SOCS6: variants seen among roughly 807,000 people sequenced by gnomAD.
SOCS6 encodes the protein STAT induced STAT inhibitor-4.
A neutral mutation model predicts 27.7 loss-of-function variants in SOCS6; 5 were observed. That is an observed-to-expected ratio of 0.18 (90% CI 0.09 to 0.38). SOCS6 has a LOEUF of 0.38. Ranked by LOEUF, SOCS6 falls within the 10% of genes least tolerant of loss-of-function variation. SOCS6 has a pLI of 1.00. For synonymous variants in SOCS6, 271 were observed against 260.0 expected, an observed-to-expected ratio of 1.04 and a Z score of -0.41; for missense variants, 595 against 688.1, an observed-to-expected ratio of 0.86 and a Z score of 1.51.
chr18:70,298,614 T>TG (rs2062334722), intron 1 of SOCS6, among the ~76,000 whole-genome samples: 2 of 152,322 alleles, frequency 1.3e-5, no homozygotes, highest in South Asian at 4.1e-4. Flanking sequence ...AGTAGTAAGT[T>TG]GGGGTGCTGT....
chr18:70,311,180 T>TC (rs1191186559), intron 1 of SOCS6, among the ~76,000 whole-genome samples: 1 of 152,142 alleles, frequency 6.6e-6, no homozygotes, highest in African/African-American at 2.4e-5. Context: ...CTGCAGATGT[T>TC]CCCCAATGTA....
At chr18:70,321,311 A>AG (rs1910977493) in intron 1 of SOCS6, among the ~76,000 whole-genome samples, 1 of 72,630 alleles carries the variant, frequency 1.4e-5, no homozygotes, top group Non-Finnish European at 2.7e-5. Flanking sequence ...AAATTTTCTC[A>AG]GTTTTTTTTT....
chr18:70,297,119 C>T lies in SOCS6; in HGVS notation c.-127+8029C>T, dbSNP rs553618401. ...GTTTTCTAACTGTTCTCCTCACCCC[C>T]TCTTTTTTAAACAAATAGCATCCGC... On this transcript the variant is annotated intron_variant, in intron 1 of 1. Coordinates refer to ENST00000397942, the MANE Select transcript of SOCS6 (RefSeq NM_004232.4). 6.6e-5 allele frequency among the ~76,000 whole-genome samples: 10 copies of T among 152,104 alleles called. No homozygotes were observed. The South Asian group carries it at 2.1e-3, about 32-fold the overall frequency.
At chr18:70,316,569 A>G (rs1311757889) in intron 1 of SOCS6, among the ~76,000 whole-genome samples, 2 of 152,076 alleles carry the variant, frequency 1.3e-5, no homozygotes, top group Non-Finnish European at 2.9e-5. Context: ...ATTATGAATT[A>G]TACTTTTCAT....
At position 70,321,312 on chromosome 18, in the gene SOCS6, G is replaced by GTTTTTTTT. The variant is rs763120236; in HGVS notation, c.-126-3212_-126-3205dup. On this transcript the variant is annotated intron_variant, in intron 1 of 1. Coordinates refer to ENST00000397942, the MANE Select transcript of SOCS6 (RefSeq NM_004232.4). Reference sequence around the variant, plus strand: ...AATAAATAAATAACAAATTTTCTCAGTTTTTTTTTTTTTTTTTTTTTTTTT... The same window carrying GTTTTTTTT: ...AATAAATAAATAACAAATTTTCTCAGTTTTTTTTTTTTTTTTTTTTTTTTTTTTTTTTT... Among the ~76,000 whole-genome samples the GTTTTTTTT allele has an allele frequency of 1.2e-4, 8 of 68,676 alleles. 1 individual carries two copies. Among genetic ancestry groups the GTTTTTTTT allele is most frequent in the South Asian group, 1.5e-3 (2 of 1,360 alleles). The allele number at this position is 68,676 out of a possible 152,430, so 45.1% of individuals were successfully genotyped here.
intron 1 of SOCS6, among the ~76,000 whole-genome samples, chr18:70,301,555 T>G (rs1353943707): frequency 6.6e-6 from 1 of 152,040 alleles, no homozygotes; most frequent in African/African-American, 2.4e-5. Context: ...CAACCCGAGT[T>G]TAGTTTTGAA....
chr18:70,289,593 C>CTCGGGA (rs1359244043), intron 1 of SOCS6, among the ~76,000 whole-genome samples: 1 of 129,468 alleles, frequency 7.7e-6, no homozygotes, highest in Non-Finnish European at 1.8e-5. Flanking sequence ...CCTCCGCGGG[C>CTCGGGA]TCGGGCTCGG....
intron 1 of SOCS6, among the ~76,000 whole-genome samples, chr18:70,298,765 G>T (rs1278150685): frequency 6.6e-6 from 1 of 152,168 alleles, no homozygotes; most frequent in Admixed American, 6.5e-5. Context: ...CAGTGGTAAA[G>T]ATAAAAGGCT....
intron 1 of SOCS6, among the ~76,000 whole-genome samples, chr18:70,301,479 C>T (rs1017070387): frequency 5.2e-5 from 7 of 134,532 alleles, no homozygotes; most frequent in Admixed American, 4.1e-4. Context: ...GTAGAGTAGC[C>T]GGAAATGGAA....
chr18:70,313,007 C>G (rs1005419900), intron 1 of SOCS6, among the ~76,000 whole-genome samples: 5 of 152,084 alleles, frequency 3.3e-5, no homozygotes, highest in Admixed American at 3.3e-4. Flanking sequence ...GTCTCGAACT[C>G]TTGACCTCGT....
intron 1 of SOCS6, among the ~76,000 whole-genome samples, chr18:70,302,679 G>C (rs1051609540): frequency 5.9e-5 from 9 of 151,916 alleles, no homozygotes; most frequent in Non-Finnish European, 1.0e-4. Context: ...AAGGGAAGAG[G>C]GTCTTGAAAA....
intron 1 of SOCS6, among the ~76,000 whole-genome samples, chr18:70,300,752 T>C (rs2062344876): frequency 1.3e-5 from 2 of 152,322 alleles, no homozygotes; most frequent in African/African-American, 4.8e-5. Flanking sequence ...CAATAGCCTA[T>C]AAAGTAGGAG....
chr18:70,291,536 A>C (rs1369824332), intron 1 of SOCS6, among the ~76,000 whole-genome samples: 2 of 152,056 alleles, frequency 1.3e-5, no homozygotes, highest in East Asian at 3.8e-4. Context: ...TAGAGGTGTG[A>C]TCTTATTTAA....
chr18:70,326,116 AC>A lies in SOCS6; in HGVS notation c.1452del (p.Val485SerfsTer3). On this transcript the variant is annotated frameshift_variant, in exon 2 of 2. Coordinates refer to ENST00000397942, the MANE Select transcript of SOCS6 (RefSeq NM_004232.4). LOFTEE classifies it high-confidence loss of function. ...TCTCGGCTGCCTGGATCTGCAACTTACCCCGTCAGACTGACCAACCCAGTGT... is the reference window on the plus strand; with the variant it reads ...TCTCGGCTGCCTGGATCTGCAACTTACCCGTCAGACTGACCAACCCAGTGT... ...SRSRLPGSATYPVRLTNPVSR... is the reference protein window; with the variant it reads ...SRSRLPGSATXPVRLTNPVSR... The A allele has an allele frequency of 6.2e-7, 1 of 1,614,064 alleles. No individual in the cohort carries two copies. Among genetic ancestry groups the A allele is most frequent in the Non-Finnish European group, 8.5e-7 (1 of 1,180,028 alleles).
intron 1 of SOCS6, among the ~76,000 whole-genome samples, chr18:70,295,217 A>G (rs954216701): frequency 2.0e-5 from 3 of 152,256 alleles, no homozygotes; most frequent in South Asian, 2.1e-4. Flanking sequence ...TATGGCTCCT[A>G]TTAGATAAGA....
intron 1 of SOCS6, among the ~76,000 whole-genome samples, chr18:70,316,185 G>C (rs2062410687): frequency 1.3e-5 from 2 of 152,056 alleles, no homozygotes; most frequent in Non-Finnish European, 1.5e-5. Context: ...GTATACATTT[G>C]TGTTCACTTT....
chr18:70,293,641 G>A (rs149136268), intron 1 of SOCS6, among the ~76,000 whole-genome samples: 21 of 152,216 alleles, frequency 1.4e-4, no homozygotes, highest in Middle Eastern at 3.4e-3. Flanking sequence ...AGCCCTCCAT[G>A]CTAACTAAGG....
At chr18:70,305,477 C>G (rs1223085401) in intron 1 of SOCS6, among the ~76,000 whole-genome samples, 1 of 152,210 alleles carries the variant, frequency 6.6e-6, no homozygotes, top group African/African-American at 2.4e-5. Context: ...CAGCAGCACA[C>G]TGTCTTGATT....
At chr18:70,311,134 G>A (rs546770583) in intron 1 of SOCS6, among the ~76,000 whole-genome samples, 28 of 152,284 alleles carry the variant, frequency 1.8e-4, no homozygotes, top group Non-Finnish European at 3.1e-4. Flanking sequence ...ATGGCATTCT[G>A]AAATATGTTT....
Sources: allele counts gnomAD v4.1 joint callset (sites outside exome capture counted in the v4.1 genomes callset), GRCh38; gene constraint gnomAD v4.1.1; transcripts MANE v1.5; gene names NCBI Gene and HGNC (gene_info 2026-07-23, HGNC 2026-07-21).